NEO1: variants seen among roughly 807,000 people sequenced by gnomAD.
The protein encoded by NEO1 is neogenin 1.
A neutral mutation model predicts 159.7 loss-of-function variants in NEO1; 63 were observed. That is an observed-to-expected ratio of 0.39 (90% CI 0.32 to 0.49). The LOEUF (loss-of-function observed/expected upper bound fraction) is 0.49. Among genes scored for constraint, NEO1 ranks in the 20% least tolerant of loss-of-function variants. The pLI is 0.85. For missense variants in NEO1, 1,615 were observed against 1,831.0 expected, an observed-to-expected ratio of 0.88 and a Z score of 2.15; for synonymous variants, 633 against 662.0, an observed-to-expected ratio of 0.96 and a Z score of 0.67.
At position 73,300,496 on chromosome 15, in the gene NEO1, G is replaced by A. The variant is rs567232117; in HGVS notation, c.4166-825G>A. 4.6e-5 allele frequency among the ~76,000 whole-genome samples: 7 copies of A among 152,314 alleles called. No individual in the cohort carries two copies. The South Asian group carries it at 8.3e-4, about 18-fold the overall frequency. On this transcript the variant is annotated intron_variant, in intron 27 of 28. Transcript: ENST00000261908. The stretch of plus-strand genomic sequence containing the variant: ...TGTAATCCCAGCACTTCGGGAGGCC[G>A]AGGCGGGTAGATCACCTGAGGTCAG...
In NEO1 at chr15:73,168,418, C is replaced by T. The variant is rs186199334; in HGVS notation, c.1016-7985C>T. On this transcript the variant is annotated intron_variant, in intron 5 of 28. Coordinates refer to ENST00000261908, the MANE Select transcript of NEO1 (RefSeq NM_002499.4). ...CTCACCATGTTGGCTAGGTTGGTCT[C>T]GAACTCCTGACCTCCAGTGATCCAC... 5.3e-3 allele frequency among the ~76,000 whole-genome samples: 786 copies of T among 147,558 alleles called. 5 individuals carry two copies. Among genetic ancestry groups the T allele is most frequent in the African/African-American group, 0.019 (737 of 39,828 alleles).
At position 73,071,450 on chromosome 15, in the gene NEO1, ACTC is replaced by A. The variant is rs544681839; in HGVS notation, c.130+18653_130+18655del. Among the ~76,000 whole-genome samples the A allele has an allele frequency of 6.2e-4, 95 of 152,124 alleles. No individual in the cohort carries two copies. The Middle Eastern group carries it at 0.01, about 16-fold the overall frequency. On this transcript the variant is annotated intron_variant, in intron 1 of 28. Coordinates refer to ENST00000261908, the MANE Select transcript of NEO1 (RefSeq NM_002499.4). Reference sequence around the variant, plus strand: ...TAAAAGAAACAGTGTTTGAGAATGAACTCCTCCTCCAGGGAAAAATGTAATTTA... The same window carrying A: ...TAAAAGAAACAGTGTTTGAGAATGAACTCCTCCAGGGAAAAATGTAATTTA...
intron 7 of NEO1, among the ~76,000 whole-genome samples, chr15:73,187,816 G>T (rs533072544): frequency 6.6e-6 from 1 of 152,210 alleles, no homozygotes; most frequent in Non-Finnish European, 1.5e-5. Context: ...ATGTATTAAT[G>T]GGTCTACTAA....
intron 11 of NEO1, among the ~76,000 whole-genome samples, chr15:73,252,720 TG>T (rs2040141013): frequency 6.6e-6 from 1 of 152,180 alleles, no homozygotes; most frequent in Non-Finnish European, 1.5e-5. Context: ...CCAGGCACGG[TG>T]GCTCATGCCT....
At chr15:73,229,086 A>G (rs1403109928) in intron 7 of NEO1, among the ~76,000 whole-genome samples, 6 of 152,068 alleles carry the variant, frequency 3.9e-5, no homozygotes, top group African/African-American at 1.4e-4. Context: ...TTCTTCTAGC[A>G]TTTTGCATTT....
At chr15:73,266,707 T>G (rs1185005260) in intron 16 of NEO1, among the ~76,000 whole-genome samples, 1 of 152,184 alleles carries the variant, frequency 6.6e-6, no homozygotes, top group Admixed American at 6.5e-5. Flanking sequence ...TGATTTTCCG[T>G]CTTTTGGGCA....
At chr15:73,192,328 C>T (rs2036278703) in intron 7 of NEO1, among the ~76,000 whole-genome samples, 1 of 151,948 alleles carries the variant, frequency 6.6e-6, no homozygotes, top group Non-Finnish European at 1.5e-5. Context: ...CTTTTGAAAA[C>T]AGTGTCTTAT....
In NEO1 at chr15:73,126,459, C is replaced by T. The variant is rs2030262001; in HGVS notation, c.767C>T (p.Ser256Phe). The change falls in exon 4 of 29, where the codon TCT becomes TTT. Residue 256 changes from serine (S) to phenylalanine (F), a missense_variant. By Grantham distance (155) the Ser-to-Phe change is radical. This residue lies in a region of NEO1 where 1,018 missense variants were observed against 1,115.4 expected (regional missense o/e 0.91). Transcript: ENST00000261908. ...ISDLVFLKQP[S>F]PLVRVIGQDV... Reference sequence around the variant, plus strand: ...GACTTGGTATTTTTGAAACAGCCTTCTCCCTTAGTCAGAGTCATTGGTCAG... The same window carrying T: ...GACTTGGTATTTTTGAAACAGCCTTTTCCCTTAGTCAGAGTCATTGGTCAG... 1.9e-6 allele frequency: 3 copies of T among 1,609,134 alleles called. No individual in the cohort carries two copies. The highest frequency in any genetic ancestry group is 2.5e-6 in the Non-Finnish European group (3 of 1,178,004).
In NEO1 at chr15:73,135,351, C is replaced by T. The variant is rs962128176; in HGVS notation, c.879-540C>T. Among the ~76,000 whole-genome samples the T allele has an allele frequency of 2.6e-5, 4 of 152,314 alleles. No homozygotes were observed. The South Asian group carries it at 8.3e-4, about 32-fold the overall frequency. On this transcript the variant is annotated intron_variant, in intron 4 of 28. Coordinates refer to ENST00000261908, the MANE Select transcript of NEO1 (RefSeq NM_002499.4). ...AGCTGCTCTCTGGCAACCATTCTCT[C>T]TTTCTTCCCTTCCTCTTTTCCTCTC...
chr15:73,127,944 CA>C (rs2030522741), intron 4 of NEO1, among the ~76,000 whole-genome samples: 1 of 152,080 alleles, frequency 6.6e-6, no homozygotes, highest in Non-Finnish European at 1.5e-5. Context: ...GTTGCAAAAT[CA>C]AAAGTGAACA....
intron 5 of NEO1, among the ~76,000 whole-genome samples, chr15:73,175,778 CTAT>C (rs2035249760): frequency 6.6e-6 from 1 of 152,180 alleles, no homozygotes; most frequent in Non-Finnish European, 1.5e-5. Context: ...ATATTATGAT[CTAT>C]TATTTGTAAG....
chr15:73,125,280 A>C (rs746546599), intron 3 of NEO1, among the ~76,000 whole-genome samples: 1 of 152,224 alleles, frequency 6.6e-6, no homozygotes, highest in Non-Finnish European at 1.5e-5. Context: ...ACAGAGGTGG[A>C]TTAATGTCAG....
Position 73,266,428 on chromosome 15 carries a change from T to G in NEO1, c.2494+17T>G. 1 of 1,588,520 alleles carries G rather than the reference T, an allele frequency of 6.3e-7. No homozygotes were observed. The highest frequency in any genetic ancestry group is 8.6e-7 in the Non-Finnish European group (1 of 1,162,286). On this transcript the variant is annotated intron_variant, in intron 16 of 28. Transcript: ENST00000261908. Reference sequence around the variant, plus strand: ...CTCACACAGGTAAGGTATCCTATCTTTCCTAGTCTCCAGCACTTTTCCTAG... The same window carrying G: ...CTCACACAGGTAAGGTATCCTATCTGTCCTAGTCTCCAGCACTTTTCCTAG...
intron 1 of NEO1, among the ~76,000 whole-genome samples, chr15:73,070,739 G>T (rs1275438553): frequency 6.6e-6 from 1 of 152,018 alleles, no homozygotes; most frequent in East Asian, 1.9e-4. Flanking sequence ...AACTAGAACA[G>T]TTATGACATA....
chr15:73,200,496 G>A (rs2036810464), intron 7 of NEO1, among the ~76,000 whole-genome samples: 1 of 149,878 alleles, frequency 6.7e-6, no homozygotes, highest in South Asian at 2.1e-4. Flanking sequence ...GAAGGGGAAA[G>A]GAAAGGGAAA....
chr15:73,062,004 C>T (rs954816801), intron 1 of NEO1, among the ~76,000 whole-genome samples: 2 of 152,056 alleles, frequency 1.3e-5, no homozygotes, highest in Admixed American at 1.3e-4. Flanking sequence ...ATAAATGTCC[C>T]CATTTGTGCA....
intron 4 of NEO1, among the ~76,000 whole-genome samples, chr15:73,128,534 C>G (rs2030638307): frequency 6.6e-6 from 1 of 152,142 alleles, no homozygotes; most frequent in African/African-American, 2.4e-5. Context: ...CTATGTCATG[C>G]ATGTTCTAGG....
chr15:73,126,687 T>C, intron 4 of NEO1, 117 bp downstream of exon 4: 1 of 828,584 alleles, frequency 1.2e-6, no homozygotes, highest in East Asian at 2.8e-5. Flanking sequence ...CACATCATAA[T>C]GCTCATATGT....
rs545651012 is a variant in NEO1, at chr15:73,079,492, A to G, written c.130+26687A>G. Among the ~76,000 whole-genome samples, 248 of 152,338 alleles carry G rather than the reference A, an allele frequency of 1.6e-3. 1 individual carries two copies. The highest frequency in any genetic ancestry group is 5.4e-3 in the African/African-American group (224 of 41,580). On this transcript the variant is annotated intron_variant, in intron 1 of 28. Coordinates refer to ENST00000261908, the MANE Select transcript of NEO1 (RefSeq NM_002499.4). ...TCAATTTTGCTGTTGGTACTATTCAATCAAATAGGCCAGTGGGTTTTCTTT... is the reference window on the plus strand; with the variant it reads ...TCAATTTTGCTGTTGGTACTATTCAGTCAAATAGGCCAGTGGGTTTTCTTT...
Sources: gnomAD v4.1 joint callset for allele counts (sites outside exome capture counted in the v4.1 genomes callset) on GRCh38, gnomAD v4.1.1 for gene constraint, gnomAD v4.1.1 regional missense constraint, MANE v1.5 for transcripts, NCBI Gene and HGNC (gene_info 2026-07-23, HGNC 2026-07-21) for gene names.